ZDBF2: variants seen among roughly 807,000 people sequenced by gnomAD.
ZDBF2 encodes the protein DBF4-type zinc finger-containing protein 2.
In ZDBF2, 6 loss-of-function variants were observed where a neutral mutation model predicts 9.4. That is an observed-to-expected ratio of 0.64 (90% CI 0.35 to 1.27). The LOEUF is 1.27. ZDBF2 is among the 50% of genes most tolerant of loss of function. The probability of loss-of-function intolerance (pLI) is 0.03; values close to 1 mark genes in which losing one functional copy is unlikely to be tolerated. For synonymous variants in ZDBF2, 905 were observed against 946.3 expected (o/e 0.96, Z 0.80); for missense variants, 2,697 against 2,766.8 (o/e 0.97, Z 0.57).
At chr2:206,287,334 AG>A (rs1691654749) in intron 3 of ZDBF2, among the ~76,000 whole-genome samples, 1 of 152,188 alleles carries the variant, frequency 6.6e-6, no homozygotes. Flanking sequence ...TCTGAAGGAT[AG>A]CTTTGCTGGG....
Position 206,309,419 on chromosome 2 carries a change from G to T in ZDBF2, c.4891G>T (p.Ala1631Ser), listed in dbSNP as rs373430750. ...TTCTGAAATGAATTTTAATGTTGAT[G>T]CCTCTGATCAGTCCATGACTTACGA... is the stretch of plus-strand genomic sequence containing the variant. Reference protein sequence around the residue: ...CGSEMNFNVDASDQSMTYESQ... With the variant: ...CGSEMNFNVDSSDQSMTYESQ... Residue 1631 changes from alanine to serine, a missense_variant, in exon 5 of 5, where the codon GCC becomes TCC. Transcript: ENST00000374423. The T allele has an allele frequency of 6.2e-7, 1 of 1,613,770 alleles. No individual in the cohort carries two copies. The highest frequency in any genetic ancestry group is 8.5e-7 in the Non-Finnish European group (1 of 1,179,834).
At position 206,306,301 on chromosome 2, in the gene ZDBF2, A is replaced by G. The variant is rs1692792072; in HGVS notation, c.1773A>G (p.Ser591=). The change falls in exon 5 of 5, where the codon TCA becomes TCG. Residue 591 remains serine (S), a synonymous_variant. Coordinates refer to ENST00000374423, the MANE Select transcript of ZDBF2 (RefSeq NM_020923.3). The part of the protein sequence containing the change: ...TSFDCDVSLE[S]VVDHPQLTVK... Reference sequence around the variant, plus strand: ...TTGATTGTGATGTTTCTCTTGAGTCAGTAGTTGATCATCCCCAACTGACTG... The same window carrying G: ...TTGATTGTGATGTTTCTCTTGAGTCGGTAGTTGATCATCCCCAACTGACTG... 3 of 1,613,706 alleles carry G rather than the reference A, an allele frequency of 1.9e-6. No individual in the cohort carries two copies. Among genetic ancestry groups the G allele is most frequent in the Non-Finnish European group, 2.5e-6 (3 of 1,179,788 alleles).
chr2:206,305,355 A>G lies in ZDBF2; in HGVS notation c.827A>G (p.Lys276Arg). 1 of 1,612,786 alleles carries G rather than the reference A, an allele frequency of 6.2e-7. No homozygotes were observed. The highest frequency in any genetic ancestry group is 8.5e-7 in the Non-Finnish European group (1 of 1,179,314). Reference protein sequence around the residue: ...SDKLVLWKDVKSQGKTLSAGL... With the variant: ...SDKLVLWKDVRSQGKTLSAGL... ...AAGTTGGTTTTGTGGAAAGATGTAAAATCTCAGGGTAAAACTTTATCAGCT... is the reference window on the plus strand; with the variant it reads ...AAGTTGGTTTTGTGGAAAGATGTAAGATCTCAGGGTAAAACTTTATCAGCT... The change falls in exon 5 of 5, where the codon AAA becomes AGA. Residue 276 changes from lysine to arginine, a missense_variant. Coordinates refer to ENST00000374423, the MANE Select transcript of ZDBF2 (RefSeq NM_020923.3).
At chr2:206,289,234 G>A (rs1443944952) in intron 3 of ZDBF2, among the ~76,000 whole-genome samples, 1 of 152,118 alleles carries the variant, frequency 6.6e-6, no homozygotes, top group Non-Finnish European at 1.5e-5. Context: ...TTGGGGGACA[G>A]TGGCGTGAGT....
In ZDBF2 at chr2:206,311,760, TAG is replaced by T; in HGVS notation, c.*170_*171del. ...TTTATATTCATTTAAAATTAGTGTT[TAG>T]AGTCCTTTCATTTTAAGATTCAGAA... On this transcript the variant is annotated 3_prime_UTR_variant, in exon 5 of 5. Coordinates refer to ENST00000374423, the MANE Select transcript of ZDBF2 (RefSeq NM_020923.3). The T allele has an allele frequency of 1.5e-6, 1 of 649,994 alleles. No individual in the cohort carries two copies. Among genetic ancestry groups the T allele is most frequent in the South Asian group, 7.8e-5 (1 of 12,902 alleles). The allele number at this position is 649,994 out of a possible 1,614,324, so 40.3% of individuals were successfully genotyped here.
Position 206,278,337 on chromosome 2 carries a change from A to G in ZDBF2, c.-102-1203A>G, listed in dbSNP as rs142275419. Among the ~76,000 whole-genome samples the G allele has an allele frequency of 9.9e-3, 1,510 of 152,324 alleles. 11 individuals are homozygous for G. Among genetic ancestry groups the G allele is most frequent in the Non-Finnish European group, 0.015 (1,045 of 68,026 alleles). ...GACTCTTAACTTGGAGATTTCGGGA[A>G]TTAAGTAATTCTCCAGTATTTTAGG... On this transcript the variant is annotated intron_variant, in intron 1 of 4. Transcript: ENST00000374423.
chr2:206,302,159 C>T (rs770599720), intron 4 of ZDBF2, among the ~76,000 whole-genome samples: 2 of 151,892 alleles, frequency 1.3e-5, no homozygotes, highest in African/African-American at 2.4e-5. Flanking sequence ...TAGACATGTA[C>T]CACCATGCCT....
At chr2:206,277,954 A>G (rs960566240) in intron 1 of ZDBF2, among the ~76,000 whole-genome samples, 3 of 152,178 alleles carry the variant, frequency 2.0e-5, no homozygotes, top group African/African-American at 2.4e-5. Flanking sequence ...ATGAAATACT[A>G]TGCAATCATT....
rs368335732 is a variant in ZDBF2 at position 206,307,546 on chromosome 2, C to A, written c.3018C>A (p.Val1006=). Residue 1006 remains valine, a synonymous_variant, in exon 5 of 5, where the codon GTC becomes GTA. Transcript: ENST00000374423. Reference sequence around the variant, plus strand: ...CAAAAACAAGTTTAGATTCTGGTGTCCCTCATTATTCAGTAACTGAACCTC... The same window carrying A: ...CAAAAACAAGTTTAGATTCTGGTGTACCTCATTATTCAGTAACTGAACCTC... ...SGSKTSLDSG[V]PHYSVTEPQV... is the part of the protein sequence containing the mutation. The A allele has an allele frequency of 3.7e-6, 6 of 1,613,582 alleles. No individual in the cohort carries two copies. Among genetic ancestry groups the A allele is most frequent in the Non-Finnish European group, 5.1e-6 (6 of 1,179,758 alleles).
At chr2:206,278,919 A>G (rs577866260) in intron 1 of ZDBF2, among the ~76,000 whole-genome samples, 1 of 152,224 alleles carries the variant, frequency 6.6e-6, no homozygotes, top group Non-Finnish European at 1.5e-5. Flanking sequence ...ATTTGTCTCT[A>G]TCCCTTAAAG....
intron 3 of ZDBF2, chr2:206,291,961 T>C: frequency 2.5e-6 from 1 of 397,036 alleles, no homozygotes; most frequent in Non-Finnish European, 4.4e-6. Flanking sequence ...ATAAGGAAGG[T>C]GAAATAAAAC....
chr2:206,298,571 G>A (rs1022377576), intron 4 of ZDBF2, among the ~76,000 whole-genome samples: 10 of 152,048 alleles, frequency 6.6e-5, no homozygotes, highest in Admixed American at 2.6e-4. Flanking sequence ...CACCCAGGCT[G>A]GACTGCAGTG....
rs773248063 is a variant in ZDBF2 at position 206,305,544 on chromosome 2, G to A, written c.1016G>A (p.Cys339Tyr). 1.2e-6 allele frequency: 2 copies of A among 1,613,686 alleles called. No individual in the cohort carries two copies. The highest frequency in any genetic ancestry group is 1.1e-5 in the South Asian group (1 of 91,072). The stretch of plus-strand genomic sequence containing the variant: ...GAGGAATTCTTTTCTAACATGGATT[G>A]TACCCAAGAAGAAAAGCATTTGGTT... ...NHEEFFSNMDCTQEEKHLVFN... is the reference protein window; with the variant it reads ...NHEEFFSNMDYTQEEKHLVFN... The change falls in exon 5 of 5, where the codon TGT becomes TAT. Residue 339 changes from cysteine (C) to tyrosine (Y), a missense_variant. Cys to Tyr is a radical substitution (Grantham distance 194, BLOSUM62 -2). This residue lies in a region of ZDBF2 where 910 missense variants were observed against 973.6 expected (regional missense o/e 0.93). Transcript: ENST00000374423.
At position 206,306,050 on chromosome 2, in the gene ZDBF2, T is replaced by C. The variant is rs748392758; in HGVS notation, c.1522T>C (p.Tyr508His). 2 of 1,613,754 alleles carry C rather than the reference T, an allele frequency of 1.2e-6. No individual in the cohort carries two copies. Among genetic ancestry groups the C allele is most frequent in the Non-Finnish European group, 8.5e-7 (1 of 1,179,808 alleles). Residue 508 changes from tyrosine (Y) to histidine (H), a missense_variant, in exon 5 of 5, where the codon TAC (tyrosine) becomes CAC (histidine). By Grantham distance (83) the Tyr-to-His change is moderately conservative (BLOSUM62 2). Around this residue, in one of 3 missense-constraint regions of ZDBF2, gnomAD observed 910 missense variants for 973.6 expected, o/e 0.93. Coordinates refer to ENST00000374423, the MANE Select transcript of ZDBF2 (RefSeq NM_020923.3). ...TGCTTCACCTCAGTCCACTAGTGAC[T>C]ACCCCCAACAATCTGTAACAGAAGT... ...CDASPQSTSD[Y>H]PQQSVTEVNL... is the part of the protein sequence containing the mutation.
chr2:206,276,551 A>G (rs1691013820), intron 1 of ZDBF2, among the ~76,000 whole-genome samples: 1 of 152,258 alleles, frequency 6.6e-6, no homozygotes, highest in Non-Finnish European at 1.5e-5. Context: ...TAAAACAAGT[A>G]GTATTCCTAA....
chr2:206,302,884 T>G (rs1371609320), intron 4 of ZDBF2, among the ~76,000 whole-genome samples: 1 of 152,100 alleles, frequency 6.6e-6, no homozygotes, highest in Non-Finnish European at 1.5e-5. Flanking sequence ...ATTCAATAAA[T>G]TTTTAGGTGT....
intron 3 of ZDBF2, among the ~76,000 whole-genome samples, chr2:206,291,585 C>G (rs780894488): frequency 1.5e-4 from 23 of 152,120 alleles, no homozygotes; most frequent in Non-Finnish European, 2.8e-4. Flanking sequence ...AAATTACCTC[C>G]TAAAAGCCCT....
chr2:206,308,561 C>T lies in ZDBF2; in HGVS notation c.4033C>T (p.His1345Tyr). ...IPLQSVIKQP[H>Y]ILEEEHASLE... is the part of the protein sequence containing the mutation. The stretch of plus-strand genomic sequence containing the variant: ...TCTTCAGTCAGTGATAAAACAACCA[C>T]ACATTTTGGAAGAGGAGCATGCCAG... Residue 1345 changes from histidine (H) to tyrosine (Y), a missense_variant, in exon 5 of 5, where the codon CAC becomes TAC. His to Tyr is a moderately conservative substitution (Grantham distance 83). This residue lies in a region of ZDBF2 where 1,783 missense variants were observed against 1,776.5 expected (regional missense o/e 1.00). Transcript: ENST00000374423. 4 of 1,613,542 alleles carry T rather than the reference C, an allele frequency of 2.5e-6. No individual in the cohort carries two copies. The highest frequency in any genetic ancestry group is 3.4e-6 in the Non-Finnish European group (4 of 1,179,804).
rs1395437351 is a variant in ZDBF2 at position 206,309,098 on chromosome 2, A to G, written c.4570A>G (p.Lys1524Glu). The change falls in exon 5 of 5, where the codon AAG becomes GAG. Residue 1524 changes from lysine to glutamate, a missense_variant. Lys to Glu is a moderately conservative substitution (Grantham distance 56). This residue lies in a region of ZDBF2 where 1,783 missense variants were observed against 1,776.5 expected (regional missense o/e 1.00). Transcript: ENST00000374423. ...PGSVKETHLP[K>E]VVLVDLVPGD... Reference sequence around the variant, plus strand: ...ATCAGTCAAAGAAACCCACCTTCCAAAGGTGGTACTTGTGGATCTGGTGCC... The same window carrying G: ...ATCAGTCAAAGAAACCCACCTTCCAGAGGTGGTACTTGTGGATCTGGTGCC... 1.2e-6 allele frequency: 2 copies of G among 1,613,844 alleles called. No individual in the cohort carries two copies. Among genetic ancestry groups the G allele is most frequent in the African/African-American group, 1.3e-5 (1 of 74,940 alleles).
Sources: allele counts gnomAD v4.1 joint callset (sites outside exome capture counted in the v4.1 genomes callset), GRCh38; gene constraint gnomAD v4.1.1; regional missense constraint gnomAD v4.1.1; transcripts MANE v1.5; gene names NCBI Gene and HGNC (gene_info 2026-07-23, HGNC 2026-07-21).